Variants in MRTFA observed in about 807,000 individuals in gnomAD.
MRTFA encodes the protein myocardin-related transcription factor A.
A neutral mutation model predicts 83.5 loss-of-function variants in MRTFA; 20 were observed. The ratio of observed to expected loss-of-function variants is 0.24; its 90% CI spans 0.17 to 0.35. MRTFA has a LOEUF of 0.35. Ranked by LOEUF, MRTFA falls within the 10% of genes least tolerant of loss-of-function variation. MRTFA has a pLI of 1.00. For missense variants in MRTFA, 1,200 were observed against 1,224.7 expected (o/e 0.98, Z 0.30); for synonymous variants, 659 against 541.2 (o/e 1.22, Z -3.02).
intron 7 of MRTFA, 122 bp downstream of exon 7, chr22:40,429,484 G>C: frequency 1.7e-6 from 2 of 1,179,488 alleles, no homozygotes; most frequent in Non-Finnish European, 2.5e-6. Context: ...TTCTCCCAAG[G>C]CTAAGCAGGA....
chr22:40,536,446 C>G (rs1411462555), intron 3 of MRTFA, among the ~76,000 whole-genome samples: 1 of 148,132 alleles, frequency 6.8e-6, no homozygotes, highest in Non-Finnish European at 1.5e-5. Flanking sequence ...GGACGGGCCC[C>G]GCGGGGCCCG....
chr22:40,578,690 G>A (rs911110778), intron 2 of MRTFA, among the ~76,000 whole-genome samples: 3 of 152,126 alleles, frequency 2.0e-5, no homozygotes, highest in Non-Finnish European at 2.9e-5. Context: ...GGGAGGCTGA[G>A]GCAAACGGAT....
chr22:40,412,179 G>T, intron 14 of MRTFA: 1 of 292,390 alleles, frequency 3.4e-6, no homozygotes, highest in Non-Finnish European at 6.3e-6. Context: ...GTAAAAGAAA[G>T]ATTTGAACAG....
chr22:40,625,322 A>G (rs1294967931), intron 1 of MRTFA, among the ~76,000 whole-genome samples: 1 of 151,942 alleles, frequency 6.6e-6, no homozygotes, highest in Non-Finnish European at 1.5e-5. Flanking sequence ...CCCTAAAAAA[A>G]AAATAAAAAT....
chr22:40,449,908 G>T (rs192292685), intron 4 of MRTFA, among the ~76,000 whole-genome samples: 1 of 152,282 alleles, frequency 6.6e-6, no homozygotes, highest in East Asian at 1.9e-4. Flanking sequence ...TTTATCAGGG[G>T]CATGGTAGTC....
chr22:40,635,275 G>T (rs755568872), intron 1 of MRTFA, among the ~76,000 whole-genome samples: 1 of 152,230 alleles, frequency 6.6e-6, no homozygotes, highest in African/African-American at 2.4e-5. Flanking sequence ...GTAAAACTGC[G>T]TAAGTGACAT....
In MRTFA at chr22:40,473,189, T is replaced by G. The variant is rs372841155; in HGVS notation, c.242-9903A>C. Among the ~76,000 whole-genome samples the G allele has an allele frequency of 1.4e-4, 21 of 152,340 alleles. No homozygotes were observed. The South Asian group carries it at 1.7e-3, about 12-fold the overall frequency. The stretch of plus-strand genomic sequence containing the variant: ...TTTTTATTTTATTTGAGACAGGTTC[T>G]CACTCTGTTGTCCAGGCTGAAGTGC... On this transcript the variant is annotated intron_variant, in intron 3 of 14. Coordinates refer to ENST00000355630, the MANE Select transcript of MRTFA (RefSeq NM_020831.6).
At chr22:40,527,796 G>A (rs190043889) in intron 3 of MRTFA, among the ~76,000 whole-genome samples, 85 of 149,322 alleles carry the variant, frequency 5.7e-4, no homozygotes, top group Non-Finnish European at 1.1e-3. Flanking sequence ...AATCATAAAA[G>A]TGAAGTTCCA....
intron 2 of MRTFA, among the ~76,000 whole-genome samples, chr22:40,575,586 T>C (rs1304239840): frequency 6.6e-6 from 1 of 152,228 alleles, no homozygotes; most frequent in Non-Finnish European, 1.5e-5. Flanking sequence ...TCACAACCTG[T>C]ATATCTCCAT....
intron 3 of MRTFA, among the ~76,000 whole-genome samples, chr22:40,551,658 T>C (rs2055446095): frequency 6.6e-6 from 1 of 152,178 alleles, no homozygotes; most frequent in South Asian, 2.1e-4. Context: ...CCTAAGTCAC[T>C]ACACCCGGCA....
chr22:40,424,724 C>T (rs776884715), intron 7 of MRTFA, among the ~76,000 whole-genome samples: 1 of 152,154 alleles, frequency 6.6e-6, no homozygotes, highest in Non-Finnish European at 1.5e-5. Flanking sequence ...CCTGGGAGAC[C>T]CGGGCTACCT....
At position 40,431,142 on chromosome 22, in the gene MRTFA, G is replaced by A. The variant is rs116870999; in HGVS notation, c.439+263C>T. ...ACAAAACAAAACAGATTTTGGCAGA[G>A]AGAAGCGATCTCACACCAAGGGATG... On this transcript the variant is annotated intron_variant, in intron 6 of 14. Transcript: ENST00000355630. Among the ~76,000 whole-genome samples the A allele has an allele frequency of 3.9e-5, 6 of 152,342 alleles. No individual in the cohort carries two copies. The East Asian group carries it at 9.6e-4, about 24-fold the overall frequency.
At chr22:40,471,153 G>C (rs2053904472) in intron 3 of MRTFA, among the ~76,000 whole-genome samples, 1 of 146,010 alleles carries the variant, frequency 6.8e-6, no homozygotes, top group Non-Finnish European at 1.5e-5. Flanking sequence ...AAGCCAAGGA[G>C]GGTGGACCAC....
At chr22:40,626,636 T>C (rs2056585101) in intron 1 of MRTFA, among the ~76,000 whole-genome samples, 1 of 152,146 alleles carries the variant, frequency 6.6e-6, no homozygotes, top group Admixed American at 6.6e-5. Context: ...GGAAAGACAA[T>C]ATATACACAT....
At chr22:40,635,426 G>T (rs2056684969) in intron 1 of MRTFA, among the ~76,000 whole-genome samples, 1 of 152,190 alleles carries the variant, frequency 6.6e-6, no homozygotes. Flanking sequence ...GGACATTCCA[G>T]ACGTCTTATG....
chr22:40,509,604 G>A (rs566445112), intron 3 of MRTFA, among the ~76,000 whole-genome samples: 2 of 152,054 alleles, frequency 1.3e-5, no homozygotes. Context: ...TAAGTTTCTC[G>A]GCCTGAATTT....
At chr22:40,417,672 G>C (rs2413622) in intron 12 of MRTFA, 179 bp from the exon 13 acceptor site, 35,394 of 587,846 alleles carry the variant, frequency 0.06, 1,933 homozygotes, top group African/African-American at 0.21. Context: ...AATACAGGAT[G>C]GGGGGCCCTC....
At chr22:40,585,214 T>C (rs1193349069) in intron 2 of MRTFA, among the ~76,000 whole-genome samples, 4 of 152,240 alleles carry the variant, frequency 2.6e-5, no homozygotes, top group African/African-American at 9.6e-5. Flanking sequence ...TAACTTGTTC[T>C]AGATGTCTGA....
At chr22:40,429,882 G>A in intron 6 of MRTFA, 115 bp from the exon 7 acceptor site, 1 of 1,094,138 alleles carries the variant, frequency 9.1e-7, no homozygotes, top group Non-Finnish European at 1.3e-6. Flanking sequence ...TGTCAGAACG[G>A]TAAGCATATT....
Sources: gnomAD v4.1 joint callset for allele counts (sites outside exome capture counted in the v4.1 genomes callset) on GRCh38, gnomAD v4.1.1 for gene constraint, MANE v1.5 for transcripts, NCBI Gene and HGNC (gene_info 2026-07-23, HGNC 2026-07-21) for gene names.